SLC8A1: variants seen among roughly 807,000 people sequenced by gnomAD.
The protein encoded by SLC8A1 is sodium/calcium exchanger 1.
SLC8A1 carries 18 observed loss-of-function variants against 68.3 expected under a neutral mutation model. The ratio of observed to expected loss-of-function variants is 0.26; its 90% CI spans 0.18 to 0.39. SLC8A1 has a LOEUF of 0.39. Among genes scored for constraint, SLC8A1 ranks in the 10% least tolerant of loss-of-function variants. SLC8A1 has a pLI of 1.00. For missense variants in SLC8A1, 985 were observed against 1,156.7 expected (o/e 0.85, Z 2.15); for synonymous variants, 475 against 415.5 (o/e 1.14, Z -1.74).
chr2:40,187,660 T>C, intron 2 of SLC8A1, among the ~76,000 whole-genome samples: 1 of 118,952 alleles, frequency 8.4e-6, no homozygotes, highest in South Asian at 2.3e-4. Flanking sequence ...CAATCAATTG[T>C]CAGTGTCAGT....
chr2:40,449,084 T>C (rs1458068213), intron 1 of SLC8A1, among the ~76,000 whole-genome samples: 1 of 151,628 alleles, frequency 6.6e-6, no homozygotes, highest in Non-Finnish European at 1.5e-5. Flanking sequence ...CTTATCTATA[T>C]ACTATCCTCC....
intron 2 of SLC8A1, among the ~76,000 whole-genome samples, chr2:40,355,299 C>T (rs898135988): frequency 2.0e-5 from 3 of 152,174 alleles, no homozygotes; most frequent in African/African-American, 7.2e-5. Context: ...ATGATATTCT[C>T]AGTCACAAAG....
chr2:40,249,865 T>G (rs917381128), intron 2 of SLC8A1, among the ~76,000 whole-genome samples: 1 of 152,074 alleles, frequency 6.6e-6, no homozygotes, highest in African/African-American at 2.4e-5. Flanking sequence ...AATGACTAAT[T>G]GATGTTCAAT....
chr2:40,348,668 C>G (rs1222459327), intron 2 of SLC8A1, among the ~76,000 whole-genome samples: 4 of 152,046 alleles, frequency 2.6e-5, no homozygotes, highest in Non-Finnish European at 5.9e-5. Flanking sequence ...CCTCTGCACT[C>G]CGGGGTCTCA....
chr2:40,175,231 G>T, intron 3 of SLC8A1, 30 bp downstream of exon 4: 1 of 1,608,056 alleles, frequency 6.2e-7, no homozygotes, highest in Non-Finnish European at 8.5e-7. Flanking sequence ...TAGAAAAATG[G>T]AAAGGAAATG....
intron 2 of SLC8A1, among the ~76,000 whole-genome samples, chr2:40,349,611 G>C (rs936801170): frequency 6.6e-6 from 1 of 152,102 alleles, no homozygotes; most frequent in Non-Finnish European, 1.5e-5. Flanking sequence ...GCTGGAAGGA[G>C]CTAATAGCTG....
chr2:40,326,887 G>T lies in SLC8A1; in HGVS notation c.1808+101586C>A, dbSNP rs559060464. 1.2e-3 allele frequency among the ~76,000 whole-genome samples: 189 copies of T among 152,298 alleles called. 4 individuals carry two copies. In the South Asian group the frequency reaches 0.037, roughly 30 times the overall value. On this transcript the variant is annotated intron_variant, in intron 2 of 7. Coordinates refer to ENST00000406785, the Ensembl canonical transcript of SLC8A1. ...GGAAACAAGAGAAGGATCCTAACCA[G>T]ACTGCAGAGGTATTGATCCCAAGGT...
At chr2:40,422,053 C>T (rs1695657608) in intron 2 of SLC8A1, among the ~76,000 whole-genome samples, 1 of 152,058 alleles carries the variant, frequency 6.6e-6, no homozygotes, top group Non-Finnish European at 1.5e-5. Flanking sequence ...GTCCTGCCTG[C>T]CCACTCAGCA....
At chr2:40,375,338 G>A (rs1336114602) in intron 2 of SLC8A1, among the ~76,000 whole-genome samples, 2 of 152,014 alleles carry the variant, frequency 1.3e-5, no homozygotes, top group East Asian at 3.9e-4. Context: ...GGTTTGTTTG[G>A]TTTATTTTCC....
At chr2:40,180,246 T>A (rs1349329164) in intron 2 of SLC8A1, among the ~76,000 whole-genome samples, 1 of 151,992 alleles carries the variant, frequency 6.6e-6, no homozygotes, top group Non-Finnish European at 1.5e-5. Flanking sequence ...GTATAAAAAA[T>A]TATTCTGCTG....
intron 2 of SLC8A1, among the ~76,000 whole-genome samples, chr2:40,366,143 G>C (rs772181857): frequency 2.7e-4 from 41 of 151,954 alleles, no homozygotes; most frequent in Non-Finnish European, 5.7e-4. Flanking sequence ...TTGTAAAATG[G>C]GGATAATAAG....
In SLC8A1 at chr2:40,118,568, T is replaced by G. The variant is rs188932385; in HGVS notation, c.2438-2939A>C. ...CTTGTACTTCATTATTAAAAGTTAA[T>G]AGAAACAGGGCAGCAGCCTCAAAAA... is the stretch of plus-strand genomic sequence containing the variant. On this transcript the variant is annotated intron_variant, in intron 7 of 7. Coordinates refer to ENST00000406785, the Ensembl canonical transcript of SLC8A1. 51 of 134,396 alleles carry G rather than the reference T, an allele frequency of 3.8e-4. 2 individuals carry two copies. Among genetic ancestry groups the G allele is most frequent in the African/African-American group, 1.3e-3 (49 of 36,722 alleles). The allele number at this position is 134,396 out of a possible 1,614,324, so 8.3% of individuals were successfully genotyped here.
intron 6 of SLC8A1, among the ~76,000 whole-genome samples, chr2:40,144,507 A>G (rs2042103005): frequency 6.6e-6 from 1 of 152,072 alleles, no homozygotes; most frequent in Non-Finnish European, 1.5e-5. Flanking sequence ...AGTATCACAT[A>G]TTGATTCGAA....
chr2:40,216,009 A>G (rs1418233454), intron 2 of SLC8A1, among the ~76,000 whole-genome samples: 1 of 54,040 alleles, frequency 1.9e-5, no homozygotes, highest in Non-Finnish European at 4.6e-5. Flanking sequence ...TTCCCAGTGT[A>G]TGCTTTTTTT....
At chr2:40,321,448 G>A (rs1367731692) in intron 2 of SLC8A1, among the ~76,000 whole-genome samples, 1 of 152,024 alleles carries the variant, frequency 6.6e-6, no homozygotes, top group Non-Finnish European at 1.5e-5. Context: ...AGTAACGCAT[G>A]GGGTCTGTGG....
intron 2 of SLC8A1, among the ~76,000 whole-genome samples, chr2:40,293,002 G>A (rs1348611673): frequency 1.3e-5 from 2 of 152,098 alleles, no homozygotes; most frequent in African/African-American, 4.8e-5. Context: ...GGATCACTCT[G>A]CTCCTCATTT....
At chr2:40,436,191 T>A (rs529822630) in intron 1 of SLC8A1, among the ~76,000 whole-genome samples, 1 of 152,182 alleles carries the variant, frequency 6.6e-6, no homozygotes, top group Non-Finnish European at 1.5e-5. Context: ...TTCATTGAGG[T>A]ATTCCCAGTT....
rs1290681445 is a variant in SLC8A1 at position 40,314,270 on chromosome 2, T to C, written c.1808+114203A>G. The stretch of plus-strand genomic sequence containing the variant: ...TTCTGCACAGAATTGCCTTGTATTT[T>C]TGTTAGAATAACAACAACAACAAAA... On this transcript the variant is annotated intron_variant, in intron 2 of 7. Coordinates refer to ENST00000406785, the Ensembl canonical transcript of SLC8A1. Among the ~76,000 whole-genome samples, 36 of 152,098 alleles carry C rather than the reference T, an allele frequency of 2.4e-4. 1 individual carries two copies. Among genetic ancestry groups the C allele is most frequent in the Non-Finnish European group, 4.1e-4 (28 of 67,968 alleles).
At position 40,347,743 on chromosome 2, in the gene SLC8A1, T is replaced by G. The variant is rs562189001; in HGVS notation, c.1808+80730A>C. Among the ~76,000 whole-genome samples, 11 of 152,320 alleles carry G rather than the reference T, an allele frequency of 7.2e-5. No homozygotes were observed. The East Asian group carries it at 1.7e-3, about 24-fold the overall frequency. ...GTGTATTAATTTAGTTTATGACTCT[T>G]GAAACAAACTCCAAGTTTTAATGAC... On this transcript the variant is annotated intron_variant, in intron 2 of 7. Transcript: ENST00000406785.
Sources: gnomAD v4.1 joint callset for allele counts (sites outside exome capture counted in the v4.1 genomes callset) on GRCh38, gnomAD v4.1.1 for gene constraint, MANE v1.5 for transcripts, NCBI Gene and HGNC (gene_info 2026-07-23, HGNC 2026-07-21) for gene names.